GABPB1: variants seen among roughly 807,000 people sequenced by gnomAD.
The protein encoded by GABPB1 is GA-binding protein subunit beta-1.
In GABPB1, 15 loss-of-function variants were observed where a neutral mutation model predicts 45.9. The observed-to-expected ratio is 0.33, with a 90% CI of 0.22 to 0.50. The LOEUF (loss-of-function observed/expected upper bound fraction) is 0.50, where lower values mean the gene tolerates loss of function less well. Ranked by LOEUF, GABPB1 falls within the 20% of genes least tolerant of loss-of-function variation. The pLI is 0.98. For synonymous variants in GABPB1, 143 were observed against 154.4 expected (o/e 0.93, Z 0.55); for missense variants, 252 against 457.5 (o/e 0.55, Z 4.10).
At chr15:50,325,818 A>G (rs1162458027) in intron 1 of GABPB1, among the ~76,000 whole-genome samples, 2 of 152,076 alleles carry the variant, frequency 1.3e-5, no homozygotes, top group East Asian at 1.9e-4. Flanking sequence ...GGCGTGAGCC[A>G]CTGCGCCCGG....
chr15:50,301,054 T>G, intron 5 of GABPB1, 152 bp from the exon 6 acceptor site: 1 of 840,764 alleles, frequency 1.2e-6, no homozygotes, highest in Non-Finnish European at 1.8e-6. Context: ...TAATATCACC[T>G]TTCTTCAGAT....
rs200925937 is a variant in GABPB1, at chr15:50,326,923, G to A, written c.1-17125C>T. On this transcript the variant is annotated intron_variant, in intron 1 of 8. Transcript: ENST00000380877. Reference sequence around the variant, plus strand: ...TACGCTTTCCTTCTAAAAACCATACGAGGAGACAGCCTTTATCCTTGTAAG... The same window carrying A: ...TACGCTTTCCTTCTAAAAACCATACAAGGAGACAGCCTTTATCCTTGTAAG... Among the ~76,000 whole-genome samples, 18 of 152,064 alleles carry A rather than the reference G, an allele frequency of 1.2e-4. No homozygotes were observed. The East Asian group carries it at 2.3e-3, about 20-fold the overall frequency.
At chr15:50,302,242 G>T (rs762920123) in intron 4 of GABPB1, among the ~76,000 whole-genome samples, 2 of 152,108 alleles carry the variant, frequency 1.3e-5, no homozygotes, top group Non-Finnish European at 2.9e-5. Flanking sequence ...CTCACTCAAG[G>T]AATGATATTA....
chr15:50,337,795 T>C (rs989229195), intron 1 of GABPB1, among the ~76,000 whole-genome samples: 1 of 152,058 alleles, frequency 6.6e-6, no homozygotes, highest in African/African-American at 2.4e-5. Flanking sequence ...AAGAATTACT[T>C]AGTTCTTTTT....
At chr15:50,328,654 C>A (rs577171801) in intron 1 of GABPB1, among the ~76,000 whole-genome samples, 40 of 152,134 alleles carry the variant, frequency 2.6e-4, no homozygotes, top group Non-Finnish European at 5.0e-4. Context: ...AAGTTATATT[C>A]TTTTAGCTTG....
At chr15:50,317,367 G>T (rs1437896836) in intron 1 of GABPB1, among the ~76,000 whole-genome samples, 1 of 145,542 alleles carries the variant, frequency 6.9e-6, no homozygotes, top group Non-Finnish European at 1.5e-5. Context: ...TTCTGCCATT[G>T]CACTCCAGCC....
intron 1 of GABPB1, among the ~76,000 whole-genome samples, chr15:50,336,184 CTA>C (rs2048118281): frequency 6.6e-6 from 1 of 151,744 alleles, no homozygotes; most frequent in Non-Finnish European, 1.5e-5. Context: ...AAACCCATCT[CTA>C]TTAAAATAAC....
At chr15:50,317,907 TCA>T (rs2047407894) in intron 1 of GABPB1, among the ~76,000 whole-genome samples, 1 of 84,706 alleles carries the variant, frequency 1.2e-5, no homozygotes, top group Non-Finnish European at 2.5e-5. Context: ...AGACTCCGTA[TCA>T]AAAAAAAAAA....
rs778492902 is a variant in GABPB1, at chr15:50,286,090, C to T, written c.977G>A (p.Arg326Gln). ...KRQCIEIIEN[R>Q]VESAEIEERE... ...TACTTCTATTTCTGCAGATTCCACC[C>T]GGTTTTCAATTATTTCGATACATTG... The change falls in exon 8 of 9, where the codon CGG becomes CAG. Residue 326 changes from arginine to glutamine, a missense_variant. By Grantham distance (43) the Arg-to-Gln change is conservative. Around this residue, in one of 4 missense-constraint regions of GABPB1, gnomAD observed 193 missense variants for 259.9 expected, o/e 0.74. Transcript: ENST00000380877. 8.7e-6 allele frequency: 14 copies of T among 1,612,248 alleles called. No homozygotes were observed. Among genetic ancestry groups the T allele is most frequent in the South Asian group, 6.6e-5 (6 of 90,916 alleles).
rs1218461457 is a variant in GABPB1 at position 50,278,066 on chromosome 15, TAC to T, written c.*564_*565del. The T allele has an allele frequency of 1.3e-5, 2 of 152,658 alleles. No individual in the cohort carries two copies. Among genetic ancestry groups the T allele is most frequent in the Admixed American group, 1.3e-4 (2 of 15,284 alleles). 9.5% of individuals were successfully genotyped at this position (152,658 alleles called of 1,614,324 possible). A position where few individuals can be genotyped will look rare whatever the true frequency, so the allele number is the denominator to read the frequency against. On this transcript the variant is annotated 3_prime_UTR_variant, in exon 9 of 9. Coordinates refer to ENST00000380877, the MANE Select transcript of GABPB1 (RefSeq NM_016654.5). Reference sequence around the variant, plus strand: ...AATTTTTAAAAATATTTGCTTCATATACATGTAAATCTACTTGGGTATAGCTG... The same window carrying T: ...AATTTTTAAAAATATTTGCTTCATATATGTAAATCTACTTGGGTATAGCTG...
chr15:50,352,285 C>G (rs2048865011), intron 1 of GABPB1: 1 of 150,696 alleles, frequency 6.6e-6, no homozygotes, highest in African/African-American at 2.4e-5. Flanking sequence ...AGATGTGGTC[C>G]ATTACAATGA....
intron 8 of GABPB1, among the ~76,000 whole-genome samples, chr15:50,282,852 C>T (rs1194238223): frequency 2.6e-5 from 4 of 152,050 alleles, no homozygotes; most frequent in South Asian, 2.1e-4. Flanking sequence ...GTCAGGAGTT[C>T]GAGATCAGCC....
At chr15:50,348,896 T>C (rs933897844) in intron 1 of GABPB1, 1 of 152,092 alleles carries the variant, frequency 6.6e-6, no homozygotes. Flanking sequence ...AGTATCAGTA[T>C]GCTGAGTATT....
At chr15:50,322,976 C>A (rs1248256535) in intron 1 of GABPB1, among the ~76,000 whole-genome samples, 4 of 152,166 alleles carry the variant, frequency 2.6e-5, no homozygotes, top group Admixed American at 1.3e-4. Flanking sequence ...CTACAGTGAG[C>A]CATGATCGCA....
chr15:50,336,360 A>AC, intron 1 of GABPB1, among the ~76,000 whole-genome samples: 1 of 151,278 alleles, frequency 6.6e-6, no homozygotes, highest in Non-Finnish European at 1.5e-5. Context: ...TCCCAAAAAA[A>AC]AAAAAAAAAA....
At chr15:50,354,540 G>A (rs959080469) in intron 1 of GABPB1, 8 of 448,412 alleles carry the variant, frequency 1.8e-5, no homozygotes, top group African/African-American at 1.2e-4. Context: ...CGGCGCCAGA[G>A]GCCGAGGCCC....
intron 1 of GABPB1, among the ~76,000 whole-genome samples, chr15:50,312,194 C>T (rs1473345684): frequency 3.3e-5 from 5 of 151,860 alleles, no homozygotes; most frequent in African/African-American, 1.2e-4. Context: ...AAAATTCAAT[C>T]CAGCCTGGGC....
chr15:50,291,917 C>CAAAAAAA (rs1369368939), intron 6 of GABPB1, among the ~76,000 whole-genome samples: 1 of 83,416 alleles, frequency 1.2e-5, no homozygotes, highest in African/African-American at 3.8e-5. Context: ...GACTCTGTCT[C>CAAAAAAA]AAAAAAAAAA....
intron 6 of GABPB1, among the ~76,000 whole-genome samples, chr15:50,297,394 G>A (rs1445826111): frequency 1.3e-5 from 2 of 151,716 alleles, no homozygotes; most frequent in Non-Finnish European, 2.9e-5. Context: ...TGTGTTTTTA[G>A]TAGAGACAGG....
Sources: gnomAD v4.1 joint callset for allele counts (sites outside exome capture counted in the v4.1 genomes callset) on GRCh38, gnomAD v4.1.1 for gene constraint, gnomAD v4.1.1 regional missense constraint, MANE v1.5 for transcripts, NCBI Gene and HGNC (gene_info 2026-07-23, HGNC 2026-07-21) for gene names.